Variants in CHORDC1 observed in about 807,000 individuals in gnomAD.
The protein encoded by CHORDC1 is cysteine and histidine rich domain containing 1, also known as cysteine and histidine-rich domain-containing protein 1.
In CHORDC1, 25 loss-of-function variants were observed where a neutral mutation model predicts 48.3. The observed-to-expected ratio is 0.52, with a 90% CI of 0.38 to 0.72. The LOEUF (loss-of-function observed/expected upper bound fraction) is 0.72. CHORDC1 is among the 30% of genes least tolerant of loss of function. The pLI is 0.00. For missense variants in CHORDC1, 317 were observed against 388.7 expected (o/e 0.82, Z 1.55); for synonymous variants, 128 against 126.4 (o/e 1.01, Z -0.09).
At chr11:90,209,869 T>G (rs924572004) in intron 6 of CHORDC1, among the ~76,000 whole-genome samples, 3 of 152,078 alleles carry the variant, frequency 2.0e-5, no homozygotes, top group African/African-American at 7.2e-5. Flanking sequence ...CTAAAACCCT[T>G]CCCTAAAGCA....
rs571127545 is a variant in CHORDC1 at position 90,222,076 on chromosome 11, C to T, written c.64+815G>A. On this transcript the variant is annotated intron_variant, in intron 1 of 10. Coordinates refer to ENST00000320585, the MANE Select transcript of CHORDC1 (RefSeq NM_012124.3). ...TCTGAAAACGTGTTGTCACTTCTCACGATACGCAAGGAATCATCTCACTTC... is the reference window on the plus strand; with the variant it reads ...TCTGAAAACGTGTTGTCACTTCTCATGATACGCAAGGAATCATCTCACTTC... 3.6e-4 allele frequency among the ~76,000 whole-genome samples: 55 copies of T among 152,316 alleles called. No individual in the cohort carries two copies. In the Middle Eastern group the frequency reaches 0.017, roughly 47 times the overall value.
At chr11:90,214,589 T>A (rs1857962730) in intron 3 of CHORDC1, among the ~76,000 whole-genome samples, 1 of 152,078 alleles carries the variant, frequency 6.6e-6, no homozygotes, top group African/African-American at 2.4e-5. Flanking sequence ...AACCTCCATC[T>A]CCTCATTTGT....
chr11:90,204,061 C>T (rs543994544), intron 8 of CHORDC1, among the ~76,000 whole-genome samples: 19 of 151,976 alleles, frequency 1.3e-4, no homozygotes, highest in Non-Finnish European at 1.9e-4. Context: ...AATTTAGTTA[C>T]ATAATTCAGG....
rs138363668 is a variant in CHORDC1, at chr11:90,222,186, C to T, written c.64+705G>A. On this transcript the variant is annotated intron_variant, in intron 1 of 10. Coordinates refer to ENST00000320585, the MANE Select transcript of CHORDC1 (RefSeq NM_012124.3). ...TCGCTTTGGATCCTTAACTCGACATCTAGGTGCTGTAGATGACATTCACTC... is the reference window on the plus strand; with the variant it reads ...TCGCTTTGGATCCTTAACTCGACATTTAGGTGCTGTAGATGACATTCACTC... Among the ~76,000 whole-genome samples the T allele has an allele frequency of 2.7e-3, 416 of 152,304 alleles. 2 individuals are homozygous for T. The highest frequency in any genetic ancestry group is 9.3e-3 in the Admixed American group (142 of 15,304).
chr11:90,220,367 T>C (rs1438139021), intron 1 of CHORDC1, among the ~76,000 whole-genome samples: 3 of 152,200 alleles, frequency 2.0e-5, no homozygotes, highest in East Asian at 3.8e-4. Context: ...AGAAAGATGT[T>C]ATTAATTAAG....
At chr11:90,211,458 T>C in intron 4 of CHORDC1, 140 bp from the exon 5 acceptor site, 1 of 614,516 alleles carries the variant, frequency 1.6e-6, no homozygotes, top group Non-Finnish European at 2.9e-6. Context: ...TTAAAAGGTA[T>C]TTTATAAATA....
At position 90,201,490 on chromosome 11, in the gene CHORDC1, G is replaced by C. The variant is rs1857542612; in HGVS notation, c.*915C>G. The C allele has an allele frequency of 4.0e-5, 6 of 151,788 alleles. No individual in the cohort carries two copies. The highest frequency in any genetic ancestry group is 3.9e-4 in the Admixed American group (6 of 15,212). The allele number at this position is 151,788 out of a possible 1,614,324, so 9.4% of individuals were successfully genotyped here. ...TTATTTAACATGTAATAGTCATAAA[G>C]CAACTCCATATATTTAGTTTTCTGA... is the stretch of plus-strand genomic sequence containing the variant. On this transcript the variant is annotated 3_prime_UTR_variant, in exon 11 of 11. Transcript: ENST00000320585.
chr11:90,206,598 C>CTATT, intron 6 of CHORDC1: 1 of 357,224 alleles, frequency 2.8e-6, no homozygotes, highest in Non-Finnish European at 5.3e-6. Flanking sequence ...TTAATACTCT[C>CTATT]AATAAAAATA....
At chr11:90,218,022 G>T in intron 2 of CHORDC1, 113 bp downstream of exon 2, 2 of 697,850 alleles carry the variant, frequency 2.9e-6, no homozygotes, top group Non-Finnish European at 4.5e-6. Flanking sequence ...CCCCGCAAAG[G>T]TCATTAAGAA....
chr11:90,219,796 G>A (rs986325991), intron 1 of CHORDC1, among the ~76,000 whole-genome samples: 5 of 152,252 alleles, frequency 3.3e-5, no homozygotes, highest in East Asian at 3.9e-4. Flanking sequence ...TAGCACCACC[G>A]GGTTAGGGTC....
chr11:90,215,948 G>T (rs1027502100), intron 2 of CHORDC1, among the ~76,000 whole-genome samples: 4 of 151,970 alleles, frequency 2.6e-5, no homozygotes, highest in African/African-American at 9.7e-5. Flanking sequence ...GCACACATCC[G>T]CCTGGACCTC....
At chr11:90,206,321 AC>A (rs752356333) in intron 6 of CHORDC1, 49 bp from the exon 7 acceptor site, 1 of 976,088 alleles carries the variant, frequency 1.0e-6, no homozygotes, top group East Asian at 2.4e-5. Context: ...TCTTACAGTT[AC>A]ATCTCATACA....
chr11:90,204,909 T>C (rs995064465), intron 8 of CHORDC1, among the ~76,000 whole-genome samples: 2 of 152,094 alleles, frequency 1.3e-5, no homozygotes, highest in African/African-American at 4.8e-5. Flanking sequence ...CAAGTCTTTT[T>C]AAAAAGCTGT....
intron 4 of CHORDC1, chr11:90,213,330 C>T: frequency 1.7e-6 from 1 of 584,540 alleles, no homozygotes; most frequent in South Asian, 1.9e-5. Context: ...TGCCTACTTG[C>T]AGCCAAAAAA....
intron 4 of CHORDC1, 124 bp downstream of exon 4, chr11:90,213,894 G>A: frequency 1.3e-6 from 1 of 780,900 alleles, no homozygotes. Flanking sequence ...GAAACCAAAT[G>A]GTTCAAAGCT....
intron 8 of CHORDC1, among the ~76,000 whole-genome samples, chr11:90,204,716 A>C (rs1352463031): frequency 6.6e-6 from 1 of 152,130 alleles, no homozygotes; most frequent in Non-Finnish European, 1.5e-5. Context: ...CTCAAGAAAA[A>C]AAAAAGTGGG....
At chr11:90,219,455 A>G (rs1858107508) in intron 1 of CHORDC1, among the ~76,000 whole-genome samples, 1 of 152,212 alleles carries the variant, frequency 6.6e-6, no homozygotes, top group African/African-American at 2.4e-5. Flanking sequence ...CTGGCCATCA[A>G]CAAAATCTCT....
chr11:90,200,876 T>C lies in CHORDC1; in HGVS notation c.*1529A>G, dbSNP rs1271681859. On this transcript the variant is annotated 3_prime_UTR_variant, in exon 11 of 11. Coordinates refer to ENST00000320585, the MANE Select transcript of CHORDC1 (RefSeq NM_012124.3). Reference sequence around the variant, plus strand: ...CCCATAAAGACTTCATGTCTCTAAATGGTTCCTAAATCATGGAAGATAACT... The same window carrying C: ...CCCATAAAGACTTCATGTCTCTAAACGGTTCCTAAATCATGGAAGATAACT... Among the ~76,000 whole-genome samples, 2 of 151,994 alleles carry C rather than the reference T, an allele frequency of 1.3e-5. No individual in the cohort carries two copies. Among genetic ancestry groups the C allele is most frequent in the Non-Finnish European group, 2.9e-5 (2 of 67,864 alleles).
At position 90,203,323 on chromosome 11, in the gene CHORDC1, T is replaced by A. The variant is rs1857587327; in HGVS notation, c.774A>T (p.Glu258Asp). Residue 258 changes from glutamate to aspartate, a missense_variant, in exon 9 of 11, where the codon GAA becomes GAT. Coordinates refer to ENST00000320585, the MANE Select transcript of CHORDC1 (RefSeq NM_012124.3). ...KNSLPELSRV[E>D]ANSTLLNVHI... is the part of the protein sequence containing the mutation. ...ATGTACTTACCAATGTGCTATTTGC[T>A]TCTACTCGGCTAAGTTCTGGAAGTG... is the stretch of plus-strand genomic sequence containing the variant. 6.3e-7 allele frequency: 1 copy of A among 1,594,892 alleles called. No individual in the cohort carries two copies. Among genetic ancestry groups the A allele is most frequent in the Admixed American group, 1.7e-5 (1 of 59,896 alleles).
Sources: allele counts gnomAD v4.1 joint callset (sites outside exome capture counted in the v4.1 genomes callset), GRCh38; gene constraint gnomAD v4.1.1; transcripts MANE v1.5; gene names NCBI Gene and HGNC (gene_info 2026-07-23, HGNC 2026-07-21).